The following SSBP2 variants were observed in gnomAD, a reference collection of about 807,000 sequenced individuals.
SSBP2 encodes single-stranded DNA-binding protein 2.
A neutral mutation model predicts 61.8 loss-of-function variants in SSBP2; 17 were observed. The ratio of observed to expected loss-of-function variants is 0.28; its 90% confidence interval spans 0.19 to 0.41. SSBP2 has a LOEUF of 0.41. SSBP2 is among the 10% of genes least tolerant of loss of function. The pLI, the probability that SSBP2 is intolerant of heterozygous loss-of-function variation, is 1.00. For missense variants in SSBP2, 310 were observed against 458.7 expected (o/e 0.68, Z 2.96); for synonymous variants, 139 against 141.3 (o/e 0.98, Z 0.12).
At chr5:81,617,018 A>G (rs1315395395) in intron 3 of SSBP2, among the ~76,000 whole-genome samples, 2 of 97,318 alleles carry the variant, frequency 2.1e-5, no homozygotes, top group Admixed American at 2.3e-4. Flanking sequence ...AGAACAGAAA[A>G]ACTGGAAACT....
Position 81,467,012 on chromosome 5 carries a change from C to T in SSBP2, c.600G>A (p.Leu200=), listed in dbSNP as rs1458418292. 6.2e-7 allele frequency: 1 copy of T among 1,610,024 alleles called. No individual in the cohort carries two copies. The highest frequency in any genetic ancestry group is 1.3e-5 in the African/African-American group (1 of 74,826). Residue 200 remains leucine (L), a synonymous_variant, in exon 9 of 17, where the codon CTG becomes CTA. Transcript: ENST00000320672. Reference sequence around the variant, plus strand: ...GCATTCCAGGGCCACCTAAAGCATTCAGTGGGGGTCTCATTGCACCTCCAT... The same window carrying T: ...GCATTCCAGGGCCACCTAAAGCATTTAGTGGGGGTCTCATTGCACCTCCAT...
At chr5:81,511,722 C>G (rs1252838483) in intron 5 of SSBP2, among the ~76,000 whole-genome samples, 1 of 152,174 alleles carries the variant, frequency 6.6e-6, no homozygotes, top group South Asian at 2.1e-4. Context: ...TACTCTGTTA[C>G]AACACATATT....
At chr5:81,533,854 AG>A (rs1459822820) in intron 4 of SSBP2, among the ~76,000 whole-genome samples, 1 of 152,064 alleles carries the variant, frequency 6.6e-6, no homozygotes, top group African/African-American at 2.4e-5. Flanking sequence ...ACTCAGTCAC[AG>A]GGGGATCTCT....
rs960843499 is a variant in SSBP2, at chr5:81,711,362, T to C, written c.62+39619A>G. ...ATATAACAATTCACCTTCAAAATAA[T>C]TAGTATTTGATTTTATCTAAAAAAG... On this transcript the variant is annotated intron_variant, in intron 1 of 16. Coordinates refer to ENST00000320672, the MANE Select transcript of SSBP2 (RefSeq NM_012446.5). 2.0e-5 allele frequency among the ~76,000 whole-genome samples: 3 copies of C among 152,230 alleles called. No individual in the cohort carries two copies. The East Asian group carries it at 5.8e-4, about 29-fold the overall frequency.
intron 1 of SSBP2, among the ~76,000 whole-genome samples, chr5:81,701,665 AT>A (rs1446687233): frequency 1.3e-5 from 2 of 152,188 alleles, no homozygotes; most frequent in African/African-American, 4.8e-5. Flanking sequence ...AAGGCCTTTT[AT>A]TTTAGTTGTA....
At chr5:81,489,393 T>C in intron 5 of SSBP2, 84 bp from the exon 6 acceptor site, 3 of 1,154,294 alleles carry the variant, frequency 2.6e-6, no homozygotes, top group Non-Finnish European at 3.6e-6. Flanking sequence ...ACTTAAAAAA[T>C]TTTAGAATTA....
intron 4 of SSBP2, among the ~76,000 whole-genome samples, chr5:81,599,792 G>A (rs1048726832): frequency 3.9e-5 from 6 of 152,158 alleles, no homozygotes; most frequent in African/African-American, 1.4e-4. Flanking sequence ...GGGGAATGAG[G>A]CCTCAATTTT....
chr5:81,433,071 GC>G (rs1404882817), intron 15 of SSBP2, among the ~76,000 whole-genome samples: 1 of 151,964 alleles, frequency 6.6e-6, no homozygotes, highest in Non-Finnish European at 1.5e-5. Context: ...GAAGTGAGGA[GC>G]CCCTCTGCCT....
At chr5:81,577,341 G>A (rs984224333) in intron 4 of SSBP2, among the ~76,000 whole-genome samples, 2 of 151,972 alleles carry the variant, frequency 1.3e-5, no homozygotes, top group African/African-American at 4.8e-5. Context: ...CCTTCTGAAA[G>A]ACTGGCTTGT....
chr5:81,423,569 T>C (rs575759259), intron 16 of SSBP2, among the ~76,000 whole-genome samples: 9 of 151,800 alleles, frequency 5.9e-5, no homozygotes, highest in African/African-American at 2.2e-4. Flanking sequence ...ATGGTGAAAC[T>C]CTGTCTCTAC....
At chr5:81,501,759 G>C (rs1767803582) in intron 5 of SSBP2, among the ~76,000 whole-genome samples, 1 of 151,360 alleles carries the variant, frequency 6.6e-6, no homozygotes, top group Non-Finnish European at 1.5e-5. Context: ...GTAGAGACGG[G>C]GTTTCACCAT....
At position 81,717,312 on chromosome 5, in the gene SSBP2, T is replaced by C. The variant is rs567748206; in HGVS notation, c.62+33669A>G. Among the ~76,000 whole-genome samples the C allele has an allele frequency of 7.9e-5, 12 of 152,264 alleles. 1 individual carries two copies. The South Asian group carries it at 2.3e-3, about 29-fold the overall frequency. ...AGCTCCTCAGCTCCAGTCCACTATATGTACAGCATCTATCCGTAACATATT... is the reference window on the plus strand; with the variant it reads ...AGCTCCTCAGCTCCAGTCCACTATACGTACAGCATCTATCCGTAACATATT... On this transcript the variant is annotated intron_variant, in intron 1 of 16. Transcript: ENST00000320672.
intron 1 of SSBP2, among the ~76,000 whole-genome samples, chr5:81,712,724 CTTTG>C (rs1028333045): frequency 3.6e-5 from 4 of 109,882 alleles, no homozygotes; most frequent in Non-Finnish European, 3.9e-5. Context: ...TTGTTTGTTT[CTTTG>C]TTTTTTTTTT....
chr5:81,524,591 G>A (rs1380937530), intron 4 of SSBP2, among the ~76,000 whole-genome samples: 3 of 151,926 alleles, frequency 2.0e-5, no homozygotes, highest in African/African-American at 7.2e-5. Context: ...ATCCTAAAAC[G>A]TTACTGTACT....
chr5:81,593,822 A>G (rs1743393044), intron 4 of SSBP2, among the ~76,000 whole-genome samples: 1 of 152,228 alleles, frequency 6.6e-6, no homozygotes, highest in Non-Finnish European at 1.5e-5. Context: ...GGCCTGCCCT[A>G]AAGGAACTCC....
chr5:81,700,220 T>C (rs1753885191), intron 1 of SSBP2, among the ~76,000 whole-genome samples: 1 of 152,180 alleles, frequency 6.6e-6, no homozygotes, highest in Admixed American at 6.5e-5. Context: ...ATGGATGTTG[T>C]ATTAGTAGGC....
intron 1 of SSBP2, among the ~76,000 whole-genome samples, chr5:81,708,724 A>C (rs993691131): frequency 6.6e-6 from 1 of 151,970 alleles, no homozygotes; most frequent in Non-Finnish European, 1.5e-5. Context: ...TGTATGGGCA[A>C]TGTGTCCCAA....
At chr5:81,654,631 T>C (rs1237297644) in intron 1 of SSBP2, among the ~76,000 whole-genome samples, 1 of 152,206 alleles carries the variant, frequency 6.6e-6, no homozygotes, top group Non-Finnish European at 1.5e-5. Context: ...CTTCAGATTA[T>C]GTATTTCCCA....
rs539207641 is a variant in SSBP2, at chr5:81,588,308, A to C, written c.282+27165T>G. The stretch of plus-strand genomic sequence containing the variant: ...TTTATATACATTATCTTATATATAA[A>C]GATGTAGATCACAATGGTTCTAGTA... On this transcript the variant is annotated intron_variant, in intron 4 of 16. Coordinates refer to ENST00000320672, the MANE Select transcript of SSBP2 (RefSeq NM_012446.5). Among the ~76,000 whole-genome samples, 3 of 151,700 alleles carry C rather than the reference A, an allele frequency of 2.0e-5. No individual in the cohort carries two copies. The South Asian group carries it at 6.2e-4, about 31-fold the overall frequency.
Sources: allele counts gnomAD v4.1 joint callset (sites outside exome capture counted in the v4.1 genomes callset), GRCh38; gene constraint gnomAD v4.1.1; transcripts MANE v1.5; gene names NCBI Gene and HGNC (gene_info 2026-07-23, HGNC 2026-07-21).